Variants in SLC24A2 observed in about 807,000 individuals in gnomAD.
The protein encoded by SLC24A2 is sodium/potassium/calcium exchanger 2.
SLC24A2 carries 36 observed loss-of-function variants against 62.0 expected under a neutral mutation model. The observed-to-expected ratio is 0.58, with a 90% CI of 0.44 to 0.77. The LOEUF (loss-of-function observed/expected upper bound fraction) is 0.77. Ranked by LOEUF, SLC24A2 falls within the 30% of genes least tolerant of loss-of-function variation. The pLI is 0.00. For synonymous variants in SLC24A2, 358 were observed against 294.0 expected, an observed-to-expected ratio of 1.22 and a Z score of -2.23; for missense variants, 846 against 817.9, an observed-to-expected ratio of 1.03 and a Z score of -0.42.
chr9:20,131,531 G>A, the SLC24A2 span, among the ~76,000 whole-genome samples: 1 of 152,146 alleles, frequency 6.6e-6, no homozygotes, highest in Admixed American at 6.5e-5. Flanking sequence ...GGAAAATATA[G>A]CTTTGTTGTA....
chr9:20,078,574 A>C, the SLC24A2 span, among the ~76,000 whole-genome samples: 30 of 152,146 alleles, frequency 2.0e-4, no homozygotes, highest in Non-Finnish European at 3.1e-4. Flanking sequence ...AAGCCACAAC[A>C]ATCCCACCCA....
the SLC24A2 span, among the ~76,000 whole-genome samples, chr9:20,193,251 G>A: frequency 2.0e-5 from 3 of 152,140 alleles, no homozygotes; most frequent in African/African-American, 7.2e-5. Flanking sequence ...AACTGGATTT[G>A]TAACCCTGAG....
intron 2 of SLC24A2, among the ~76,000 whole-genome samples, chr9:19,675,027 A>C (rs1184702985): frequency 1.3e-5 from 2 of 152,168 alleles, no homozygotes; most frequent in African/African-American, 2.4e-5. Context: ...TGCTCTTCAG[A>C]TTCTTTTGTC....
intron 2 of SLC24A2, among the ~76,000 whole-genome samples, chr9:19,666,745 T>A (rs138698079): frequency 2.6e-5 from 4 of 152,190 alleles, no homozygotes; most frequent in Non-Finnish European, 2.9e-5. Flanking sequence ...AAAACCATTA[T>A]GTTTTTTTCA....
At chr9:19,718,704 G>A (rs1820939262) in intron 2 of SLC24A2, among the ~76,000 whole-genome samples, 1 of 152,120 alleles carries the variant, frequency 6.6e-6, no homozygotes, top group African/African-American at 2.4e-5. Context: ...CACGGACACT[G>A]AATGACTAGA....
upstream of SLC24A2, among the ~76,000 whole-genome samples, chr9:19,792,860 T>C (rs1251202044): frequency 2.0e-5 from 3 of 152,220 alleles, no homozygotes; most frequent in Admixed American, 6.5e-5. Flanking sequence ...ATCTCTAGCT[T>C]CTCTGTTATT....
At chr9:20,133,520 T>C in the SLC24A2 span, among the ~76,000 whole-genome samples, 3 of 152,168 alleles carry the variant, frequency 2.0e-5, no homozygotes, top group Admixed American at 1.3e-4. Context: ...CATCGCAAAT[T>C]ACAATCACAA....
At chr9:20,096,108 C>T in the SLC24A2 span, among the ~76,000 whole-genome samples, 2 of 151,872 alleles carry the variant, frequency 1.3e-5, no homozygotes, top group Admixed American at 6.6e-5. Flanking sequence ...TCCGTCCGTC[C>T]GTCCGTCCGT....
At chr9:20,217,918 A>T in the SLC24A2 span, among the ~76,000 whole-genome samples, 6 of 152,188 alleles carry the variant, frequency 3.9e-5, no homozygotes, top group Non-Finnish European at 5.9e-5. Context: ...CAAGCATTTC[A>T]TTAAACCAGT....
chr9:20,019,541 A>G, the SLC24A2 span, among the ~76,000 whole-genome samples: 4 of 152,120 alleles, frequency 2.6e-5, no homozygotes, highest in Admixed American at 2.0e-4. Context: ...TGGACTATAT[A>G]TCTGTTTTGG....
At chr9:19,790,133 G>C (rs186000369), upstream of SLC24A2, among the ~76,000 whole-genome samples, 7 of 151,124 alleles carry the variant, frequency 4.6e-5, no homozygotes, top group East Asian at 1.2e-3. Context: ...ACTGAATCTT[G>C]CTATGTTGCC....
At chr9:19,960,735 C>A in the SLC24A2 span, among the ~76,000 whole-genome samples, 1 of 152,076 alleles carries the variant, frequency 6.6e-6, no homozygotes, top group Non-Finnish European at 1.5e-5. Flanking sequence ...GCTGTGTGAT[C>A]TTAGGCAAAT....
At chr9:20,029,108 G>C in the SLC24A2 span, among the ~76,000 whole-genome samples, 2 of 152,136 alleles carry the variant, frequency 1.3e-5, no homozygotes, top group Non-Finnish European at 2.9e-5. Context: ...TTAGTGTAGG[G>C]GCTTGAGGTG....
chr9:19,662,074 T>C (rs1277171091), intron 2 of SLC24A2, among the ~76,000 whole-genome samples: 5 of 152,184 alleles, frequency 3.3e-5, no homozygotes, highest in African/African-American at 9.6e-5. Flanking sequence ...TTTTGATCTC[T>C]AGACAACTGC....
chr9:20,116,887 C>A, the SLC24A2 span, among the ~76,000 whole-genome samples: 1 of 152,038 alleles, frequency 6.6e-6, no homozygotes, highest in African/African-American at 2.4e-5. Context: ...AAATGAGAAA[C>A]AAAAGCAGCC....
chr9:20,290,075 C>A, the SLC24A2 span, among the ~76,000 whole-genome samples: 2 of 152,176 alleles, frequency 1.3e-5, no homozygotes, highest in African/African-American at 2.4e-5. Context: ...CAGGTCTCTT[C>A]GCCCTGCACC....
the SLC24A2 span, among the ~76,000 whole-genome samples, chr9:20,074,559 A>AAGGAAGGAAGGAAGGC: frequency 4.9e-5 from 1 of 20,394 alleles, no homozygotes; most frequent in Admixed American, 4.6e-4. Context: ...AGAAGGCAGG[A>AAGGAAGGAAGGAAGGC]AGGAAGGAAG....
Position 19,574,007 on chromosome 9 carries a change from A to G in SLC24A2, c.1229-538T>C, listed in dbSNP as rs974731564. On this transcript the variant is annotated intron_variant, in intron 6 of 10. Transcript: ENST00000341998. ...CTAGGGCTTCAGGGTCCTAGACTTT[A>G]CCCTGCTTTGATCGGGTTGCTATCT... Among the ~76,000 whole-genome samples, 8 of 152,198 alleles carry G rather than the reference A, an allele frequency of 5.3e-5. No individual in the cohort carries two copies. In the East Asian group the frequency reaches 9.6e-4, roughly 18 times the overall value.
the SLC24A2 span, among the ~76,000 whole-genome samples, chr9:20,069,328 C>T: frequency 6.6e-6 from 1 of 152,300 alleles, no homozygotes; most frequent in Admixed American, 6.5e-5. Flanking sequence ...CCATAAAGTA[C>T]TGCTTTAGTA....
Sources: allele counts gnomAD v4.1 joint callset (sites outside exome capture counted in the v4.1 genomes callset), GRCh38; gene constraint gnomAD v4.1.1; transcripts MANE v1.5; gene names NCBI Gene and HGNC (gene_info 2026-07-23, HGNC 2026-07-21).